Variants in STK32A observed in about 807,000 individuals in gnomAD.
The protein encoded by STK32A is serine/threonine kinase 32A.
Under a neutral mutation model 53.2 loss-of-function variants are expected in STK32A, and 41 were observed. That is an observed-to-expected ratio of 0.77 (90% confidence interval 0.60 to 1.00). The LOEUF (loss-of-function observed/expected upper bound fraction) is 1.00. STK32A is among the 50% of genes least tolerant of loss of function. The pLI is 0.00. For synonymous variants in STK32A, 166 were observed against 162.8 expected (o/e 1.02, Z -0.15); for missense variants, 458 against 485.8 (o/e 0.94, Z 0.54).
intron 2 of STK32A, among the ~76,000 whole-genome samples, chr5:147,241,032 T>G (rs1251071799): frequency 6.6e-6 from 1 of 152,194 alleles, no homozygotes; most frequent in African/African-American, 2.4e-5. Context: ...GTTTGTTATC[T>G]TGGGTGGCCA....
chr5:147,388,726 T>C (rs1294132497), downstream of STK32A, among the ~76,000 whole-genome samples: 1 of 152,150 alleles, frequency 6.6e-6, no homozygotes, highest in Non-Finnish European at 1.5e-5. Context: ...TACTCAGCAT[T>C]CTCATTCCCC....
At chr5:147,392,641 A>G (rs1206946276), downstream of STK32A, 1 of 152,216 alleles carries the variant, frequency 6.6e-6, no homozygotes, top group Non-Finnish European at 1.5e-5. Flanking sequence ...CATGATAGGG[A>G]AAGAGATATT....
At chr5:147,350,371 C>CTT (rs150916485) in intron 6 of STK32A, among the ~76,000 whole-genome samples, 1 of 147,352 alleles carries the variant, frequency 6.8e-6, no homozygotes, top group Non-Finnish European at 1.5e-5. Context: ...CTTTTCTTTT[C>CTT]TTTTTTTTTT....
At chr5:147,267,804 A>G (rs1225134162) in intron 2 of STK32A, among the ~76,000 whole-genome samples, 1 of 152,142 alleles carries the variant, frequency 6.6e-6, no homozygotes, top group Non-Finnish European at 1.5e-5. Context: ...GTCACTTTAA[A>G]TGCATCCTCC....
chr5:147,352,323 T>C (rs962875488), intron 7 of STK32A, among the ~76,000 whole-genome samples: 9 of 152,224 alleles, frequency 5.9e-5, no homozygotes, highest in African/African-American at 2.2e-4. Flanking sequence ...AACTGGTTTT[T>C]GCCTTGACAA....
At chr5:147,307,375 C>A (rs898592323) in intron 4 of STK32A, among the ~76,000 whole-genome samples, 1 of 152,036 alleles carries the variant, frequency 6.6e-6, no homozygotes, top group Non-Finnish European at 1.5e-5. Context: ...AATCCCAGCA[C>A]TGTGGAAGGC....
rs571012155 is a variant in STK32A, at chr5:147,268,473, A to G, written c.53-9651A>G. ...TTGGTAAAAAAAAAGTTAAAAATTA[A>G]ATTATCAGAAGGATATTGGGGATGC... is the stretch of plus-strand genomic sequence containing the variant. On this transcript the variant is annotated intron_variant, in intron 2 of 12. Coordinates refer to ENST00000397936, the MANE Select transcript of STK32A (RefSeq NM_001112724.2). Among the ~76,000 whole-genome samples the G allele has an allele frequency of 5.9e-5, 9 of 152,304 alleles. No individual in the cohort carries two copies. In the South Asian group the frequency reaches 1.2e-3, roughly 21 times the overall value.
In STK32A at chr5:147,270,792, G is replaced by C. The variant is rs144021429; in HGVS notation, c.53-7332G>C. 9.8e-4 allele frequency among the ~76,000 whole-genome samples: 149 copies of C among 152,206 alleles called. 1 individual carries two copies. Among genetic ancestry groups the C allele is most frequent in the African/African-American group, 3.5e-3 (146 of 41,540 alleles). Reference sequence around the variant, plus strand: ...AAGAACAGTTAATGTAGTAGTGTTGGCAAGGTGGTGGACAAAAAGTTATTT... The same window carrying C: ...AAGAACAGTTAATGTAGTAGTGTTGCCAAGGTGGTGGACAAAAAGTTATTT... On this transcript the variant is annotated intron_variant, in intron 2 of 12. Coordinates refer to ENST00000397936, the MANE Select transcript of STK32A (RefSeq NM_001112724.2).
At chr5:147,236,189 G>A (rs1753309212) in intron 1 of STK32A, among the ~76,000 whole-genome samples, 1 of 152,120 alleles carries the variant, frequency 6.6e-6, no homozygotes, top group African/African-American at 2.4e-5. Flanking sequence ...CCAAATTACA[G>A]GCCAAAGATG....
chr5:147,371,628 A>G (rs1037698005), intron 9 of STK32A, among the ~76,000 whole-genome samples: 3 of 152,184 alleles, frequency 2.0e-5, no homozygotes, highest in Non-Finnish European at 4.4e-5. Context: ...TATTGTAAGT[A>G]AAGAACTTGA....
intron 4 of STK32A, among the ~76,000 whole-genome samples, chr5:147,285,063 CCA>C (rs1414902030): frequency 6.6e-6 from 1 of 151,986 alleles, no homozygotes; most frequent in Non-Finnish European, 1.5e-5. Flanking sequence ...TACCATAAGC[CCA>C]CAGTCACCAA....
intron 11 of STK32A, among the ~76,000 whole-genome samples, chr5:147,377,546 A>T (rs1757281565): frequency 6.6e-6 from 1 of 151,974 alleles, no homozygotes; most frequent in South Asian, 2.1e-4. Flanking sequence ...GTAACTCTGG[A>T]AATCAGGTTC....
In STK32A at chr5:147,340,422, G is replaced by A. The variant is rs1218969362; in HGVS notation, c.435-2584G>A. Among the ~76,000 whole-genome samples, 4 of 152,272 alleles carry A rather than the reference G, an allele frequency of 2.6e-5. No homozygotes were observed. In the East Asian group the frequency reaches 5.8e-4, roughly 22 times the overall value. ...CTACTGTCAATGAAAGAAACATTTT[G>A]TAAGTTATTTCATATTTATTTTTAC... On this transcript the variant is annotated intron_variant, in intron 5 of 12. Transcript: ENST00000397936.
At chr5:147,341,456 T>C (rs1169240319) in intron 5 of STK32A, among the ~76,000 whole-genome samples, 1 of 152,218 alleles carries the variant, frequency 6.6e-6, no homozygotes, top group African/African-American at 2.4e-5. Context: ...GACATCATGA[T>C]CCACTTGGAA....
intron 10 of STK32A, 45 bp downstream of exon 10, chr5:147,373,339 A>G: frequency 1.2e-6 from 2 of 1,607,104 alleles, no homozygotes; most frequent in Non-Finnish European, 1.7e-6. Flanking sequence ...TTCAGTGCGC[A>G]TTACCCGGTG....
At chr5:147,278,228 G>C in intron 3 of STK32A, 49 bp downstream of exon 3, 3 of 1,444,448 alleles carry the variant, frequency 2.1e-6, no homozygotes, top group Admixed American at 1.9e-5. Flanking sequence ...ATGTAGCCCA[G>C]GGAACAGAGG....
intron 5 of STK32A, among the ~76,000 whole-genome samples, chr5:147,335,787 G>A (rs1755084029): frequency 6.6e-6 from 1 of 152,216 alleles, no homozygotes; most frequent in Admixed American, 6.5e-5. Context: ...CAGTGTGTGT[G>A]TGTATGTGTG....
chr5:147,305,873 A>G (rs1359122510), intron 4 of STK32A, among the ~76,000 whole-genome samples: 1 of 151,742 alleles, frequency 6.6e-6, no homozygotes, highest in Non-Finnish European at 1.5e-5. Flanking sequence ...AAATATGTGT[A>G]CTTTTGTACA....
At chr5:147,292,843 A>C (rs112680496) in intron 4 of STK32A, among the ~76,000 whole-genome samples, 21,505 of 151,454 alleles carry the variant, frequency 0.14, 2,050 homozygotes, top group South Asian at 0.38. Context: ...CCTGGGCAAC[A>C]AGAGTGAAAC....
Sources: allele counts gnomAD v4.1 joint callset (sites outside exome capture counted in the v4.1 genomes callset), GRCh38; gene constraint gnomAD v4.1.1; transcripts MANE v1.5; gene names NCBI Gene and HGNC (gene_info 2026-07-23, HGNC 2026-07-21).